PCSK5: variants seen among roughly 807,000 people sequenced by gnomAD.
PCSK5 encodes the protein proprotein convertase subtilisin/kexin type 5.
In PCSK5, 129 loss-of-function variants were observed where a neutral mutation model predicts 233.2. The observed-to-expected ratio is 0.55, with a 90% CI of 0.48 to 0.64. PCSK5 has a LOEUF of 0.64. Among genes scored for constraint, PCSK5 ranks in the 30% least tolerant of loss-of-function variants. The pLI is 0.00. For missense variants in PCSK5, 2,076 were observed against 2,430.1 expected (o/e 0.85, Z 3.06); for synonymous variants, 825 against 879.2 (o/e 0.94, Z 1.09).
At position 76,233,575 on chromosome 9, in the gene PCSK5, C is replaced by T. The variant is rs776913845; in HGVS notation, c.2845C>T (p.His949Tyr). The change falls in exon 22 of 38, where the codon CAC becomes TAC. Residue 949 changes from histidine to tyrosine, a missense_variant. Physicochemically the swap from His to Tyr is moderately conservative, Grantham distance 83. Coordinates refer to ENST00000674117, the MANE Select transcript of PCSK5 (RefSeq NM_001372043.1). The stretch of plus-strand genomic sequence containing the variant: ...GAGATGCCAAGGAAGTGGCCCTACC[C>T]ACTGCACCTCCTGTGGAGCAGGTGA... ...CQRCQGSGPT[H>Y]CTSCGADNYG... The T allele has an allele frequency of 6.2e-7, 1 of 1,611,084 alleles. No homozygotes were observed. Among genetic ancestry groups the T allele is most frequent in the East Asian group, 2.2e-5 (1 of 44,884 alleles).
intron 2 of PCSK5, among the ~76,000 whole-genome samples, chr9:75,943,929 G>A (rs1157147715): frequency 2.0e-5 from 3 of 152,160 alleles, no homozygotes; most frequent in African/African-American, 7.2e-5. Context: ...GGGAAGCTGA[G>A]GCAAGGGAGG....
rs1438021691 is a variant in PCSK5 at position 76,296,681 on chromosome 9, G to A, written c.3339G>A (p.Arg1113=). ...CTCACATAGGTGGCAGTTGTGTGAGGAAATGTGGTCCTGGATTCTATGGTG... is the reference window on the plus strand; with the variant it reads ...CTCACATAGGTGGCAGTTGTGTGAGAAAATGTGGTCCTGGATTCTATGGTG... ...GFFLLGGSCV[R]KCGPGFYGDQ... Residue 1113 remains arginine (R), a synonymous_variant, in exon 27 of 38, where the codon AGG becomes AGA. Coordinates refer to ENST00000674117, the MANE Select transcript of PCSK5 (RefSeq NM_001372043.1). 1 of 1,611,512 alleles carries A rather than the reference G, an allele frequency of 6.2e-7. No homozygotes were observed.
chr9:76,121,093 T>C (rs1832612208), intron 9 of PCSK5, among the ~76,000 whole-genome samples: 1 of 152,140 alleles, frequency 6.6e-6, no homozygotes, highest in South Asian at 2.1e-4. Context: ...ATCCTGATTT[T>C]CTATTGATTT....
chr9:75,973,837 G>A (rs1010788312), intron 2 of PCSK5, among the ~76,000 whole-genome samples: 3 of 152,176 alleles, frequency 2.0e-5, no homozygotes, highest in African/African-American at 7.2e-5. Context: ...ATGTGCCAGG[G>A]TGGAACCCTT....
rs758127313 is a variant in PCSK5, at chr9:76,157,115, C to T, written c.1383C>T (p.Thr461=). 2.0e-5 allele frequency: 32 copies of T among 1,613,568 alleles called. No homozygotes were observed. The highest frequency in any genetic ancestry group is 1.6e-4 in the South Asian group (15 of 91,056). ...TGATGGAGGCAGAGAAGTGGACCACCGTTCCCCGGCAGCACGTGTGTGTGG... is the reference window on the plus strand; with the variant it reads ...TGATGGAGGCAGAGAAGTGGACCACTGTTCCCCGGCAGCACGTGTGTGTGG... ...AMVMEAEKWT[T]VPRQHVCVES... is the part of the protein sequence containing the mutation. The change falls in exon 11 of 38, where the codon ACC becomes ACT. Residue 461 remains threonine (T), a synonymous_variant. Coordinates refer to ENST00000674117, the MANE Select transcript of PCSK5 (RefSeq NM_001372043.1).
intron 7 of PCSK5, among the ~76,000 whole-genome samples, chr9:76,072,450 T>A (rs1016799453): frequency 6.6e-6 from 1 of 152,224 alleles, no homozygotes; most frequent in Non-Finnish European, 1.5e-5. Context: ...TATAATCTAA[T>A]GTAATAAAAT....
chr9:76,150,231 A>G (rs893145416), intron 10 of PCSK5, among the ~76,000 whole-genome samples: 1 of 152,126 alleles, frequency 6.6e-6, no homozygotes, highest in Non-Finnish European at 1.5e-5. Flanking sequence ...GTATCTGGAA[A>G]CTTTCCATGT....
intron 2 of PCSK5, among the ~76,000 whole-genome samples, chr9:75,965,147 A>G (rs1231680320): frequency 3.3e-5 from 5 of 152,212 alleles, no homozygotes; most frequent in Non-Finnish European, 7.3e-5. Context: ...GAGGCAGCCA[A>G]GTGAAGCAAT....
intron 9 of PCSK5, among the ~76,000 whole-genome samples, chr9:76,112,097 C>A (rs186386117): frequency 8.7e-4 from 133 of 152,134 alleles, no homozygotes; most frequent in Non-Finnish European, 3.5e-4. Flanking sequence ...TCAGAAAATA[C>A]AAAAATTAAG....
intron 2 of PCSK5, among the ~76,000 whole-genome samples, chr9:75,941,079 T>C (rs61635866): frequency 0.28 from 42,461 of 152,098 alleles, 6,426 homozygotes; most frequent in Middle Eastern, 0.35. Flanking sequence ...GGAGTTCAAG[T>C]GCTTCCTGTG....
intron 11 of PCSK5, among the ~76,000 whole-genome samples, chr9:76,158,207 A>T (rs996097636): frequency 6.6e-5 from 10 of 152,202 alleles, no homozygotes; most frequent in Non-Finnish European, 2.9e-5. Context: ...TTGGAAATTT[A>T]AAAAATGTGA....
At chr9:76,075,448 T>C (rs574911225) in intron 7 of PCSK5, among the ~76,000 whole-genome samples, 2 of 152,118 alleles carry the variant, frequency 1.3e-5, no homozygotes, top group East Asian at 3.9e-4. Context: ...CAAAGGATGT[T>C]CCTCTAAATA....
At chr9:76,174,867 G>A in intron 13 of PCSK5, 119 bp from the exon 14 acceptor site, 1 of 800,646 alleles carries the variant, frequency 1.2e-6, no homozygotes. Context: ...TGTAGTGATT[G>A]ATATCCATCT....
At chr9:76,276,856 C>G (rs1453203657) in intron 24 of PCSK5, among the ~76,000 whole-genome samples, 1 of 152,154 alleles carries the variant, frequency 6.6e-6, no homozygotes, top group African/African-American at 2.4e-5. Flanking sequence ...AACAGAACAA[C>G]CTGTCTTCAT....
chr9:75,997,144 T>A (rs1287827285), intron 3 of PCSK5, among the ~76,000 whole-genome samples: 1 of 152,212 alleles, frequency 6.6e-6, no homozygotes, highest in Non-Finnish European at 1.5e-5. Context: ...GCCGGTCATT[T>A]AGATTTCTTC....
intron 8 of PCSK5, among the ~76,000 whole-genome samples, chr9:76,097,042 C>T (rs1261463972): frequency 2.0e-5 from 3 of 151,528 alleles, no homozygotes; most frequent in Admixed American, 1.3e-4. Flanking sequence ...AGTGATTCTC[C>T]TGCCTAAGCC....
chr9:76,228,779 T>C (rs1825979377), intron 21 of PCSK5, among the ~76,000 whole-genome samples: 1 of 152,218 alleles, frequency 6.6e-6, no homozygotes, highest in Non-Finnish European at 1.5e-5. Context: ...GGCAGGCGCT[T>C]TGCATCTCTG....
intron 12 of PCSK5, among the ~76,000 whole-genome samples, chr9:76,168,974 A>G (rs976871762): frequency 2.0e-5 from 3 of 152,128 alleles, no homozygotes; most frequent in South Asian, 2.1e-4. Flanking sequence ...AGTCTTTTGT[A>G]TCTGGCTTCT....
chr9:75,901,635 A>AC (rs1359750508), intron 1 of PCSK5, among the ~76,000 whole-genome samples: 1 of 151,938 alleles, frequency 6.6e-6, no homozygotes, highest in Admixed American at 6.6e-5. Flanking sequence ...CTTAAAAAAA[A>AC]AAAAAAAAAG....
Sources: gnomAD v4.1 joint callset for allele counts (sites outside exome capture counted in the v4.1 genomes callset) on GRCh38, gnomAD v4.1.1 for gene constraint, MANE v1.5 for transcripts, NCBI Gene and HGNC (gene_info 2026-07-23, HGNC 2026-07-21) for gene names.